ANKRD26: variants seen among roughly 807,000 people sequenced by gnomAD.
ANKRD26 encodes the protein ankyrin repeat domain 26.
Under a neutral mutation model 208.7 loss-of-function variants are expected in ANKRD26, and 141 were observed. That is an observed-to-expected ratio of 0.68 (90% CI 0.59 to 0.78). ANKRD26 has a LOEUF of 0.78. ANKRD26 is among the 30% of genes least tolerant of loss of function. The probability of loss-of-function intolerance (pLI) is 0.00; values close to 1 mark genes in which losing one functional copy is unlikely to be tolerated. For synonymous variants in ANKRD26, 636 were observed against 660.4 expected, an observed-to-expected ratio of 0.96 and a Z score of 0.57; for missense variants, 1,889 against 1,938.7, an observed-to-expected ratio of 0.97 and a Z score of 0.48.
intron 4 of ANKRD26, among the ~76,000 whole-genome samples, chr10:26,997,322 T>C (rs2052614869): frequency 6.6e-6 from 1 of 152,360 alleles, no homozygotes; most frequent in South Asian, 2.1e-4. Flanking sequence ...GTGGGATTTA[T>C]AACAGATATG....
At chr10:27,013,210 A>G (rs542483402) in intron 31 of ANKRD26, 100 bp from the exon 32 acceptor site, 4 of 998,810 alleles carry the variant, frequency 4.0e-6, no homozygotes, top group Non-Finnish European at 6.2e-6. Flanking sequence ...GGAGTAAATG[A>G]AATTTCCCAT....
intron 9 of ANKRD26, among the ~76,000 whole-genome samples, chr10:27,071,839 CTGAG>C (rs1301063470): frequency 2.6e-5 from 4 of 152,176 alleles, no homozygotes; most frequent in Non-Finnish European, 4.4e-5. Flanking sequence ...CTGGAGCTGA[CTGAG>C]TGAGCAGTGG....
rs1412812857 is a variant in ANKRD26, at chr10:27,048,934, A to G, written c.1681T>C (p.Ser561Pro). ...GTAGCACCATCATGTATGTTTGCTGATACTTCCATTTCATTATTTCTGTGT... is the reference window on the plus strand; with the variant it reads ...GTAGCACCATCATGTATGTTTGCTGGTACTTCCATTTCATTATTTCTGTGT... ...KKHRNNEMEVSANIHDGATDD... is the reference protein window; with the variant it reads ...KKHRNNEMEVPANIHDGATDD... Residue 561 changes from serine to proline, a missense_variant, in exon 17 of 34, where the codon TCA becomes CCA. Physicochemically the swap from Ser to Pro is moderately conservative, Grantham distance 74. Around this residue, in one of 3 missense-constraint regions of ANKRD26, gnomAD observed 1,272 missense variants for 1,273.8 expected, o/e 1.00. Transcript: ENST00000376087. 1.2e-6 allele frequency: 2 copies of G among 1,610,620 alleles called. No homozygotes were observed. The highest frequency in any genetic ancestry group is 1.7e-6 in the Non-Finnish European group (2 of 1,178,188).
At chr10:27,042,083 G>A (rs2054259767) in intron 20 of ANKRD26, among the ~76,000 whole-genome samples, 1 of 151,774 alleles carries the variant, frequency 6.6e-6, no homozygotes, top group Admixed American at 6.6e-5. Context: ...CCAAAAACCT[G>A]AGATAAAACT....
intron 16 of ANKRD26, chr10:27,051,231 A>C: frequency 7.8e-7 from 1 of 1,289,814 alleles, no homozygotes; most frequent in Non-Finnish European, 1.0e-6. Context: ...TTCAGGTTCC[A>C]TGCTTTTATA....
At chr10:27,012,631 T>A (rs1432723321) in intron 32 of ANKRD26, among the ~76,000 whole-genome samples, 3 of 151,954 alleles carry the variant, frequency 2.0e-5, no homozygotes, top group Non-Finnish European at 4.4e-5. Flanking sequence ...CCTGGCAATA[T>A]GTGAAACCCA....
At chr10:27,029,475 G>T in intron 25 of ANKRD26, 119 bp from the exon 26 acceptor site, 1 of 924,194 alleles carries the variant, frequency 1.1e-6, no homozygotes, top group Non-Finnish European at 1.7e-6. Flanking sequence ...TATGCATATT[G>T]TTTATGGCTA....
intron 17 of ANKRD26, among the ~76,000 whole-genome samples, chr10:27,048,018 A>C (rs2054517638): frequency 6.6e-6 from 1 of 152,158 alleles, no homozygotes; most frequent in Admixed American, 6.5e-5. Context: ...CTGGGATTAC[A>C]GGCATGAGCC....
chr10:27,099,485 C>A lies in ANKRD26; in HGVS notation c.242+600G>T, dbSNP rs142191364. On this transcript the variant is annotated intron_variant, in intron 1 of 33. Coordinates refer to ENST00000376087, the MANE Select transcript of ANKRD26 (RefSeq NM_014915.3). ...GTCTTGCTCTGTTGTCACTGACATA[C>A]CTCACTGCAGCCTAGAACTCCTGGG... 3.0e-3 allele frequency among the ~76,000 whole-genome samples: 461 copies of A among 151,822 alleles called. 3 individuals carry two copies. Among genetic ancestry groups the A allele is most frequent in the African/African-American group, 0.011 (436 of 41,370 alleles).
At chr10:27,056,459 T>A (rs2054842997) in intron 15 of ANKRD26, among the ~76,000 whole-genome samples, 1 of 151,924 alleles carries the variant, frequency 6.6e-6, no homozygotes, top group South Asian at 2.1e-4. Flanking sequence ...ATTACAGGTG[T>A]GACCCAGCCA....
In ANKRD26 at chr10:27,092,393, C is replaced by T; in HGVS notation, c.638+13G>A. The stretch of plus-strand genomic sequence containing the variant: ...ACAAGTTTAAAAATCCAAAACAAAA[C>T]CAGCTACTGTACCTTTCCAACTTAT... On this transcript the variant is annotated intron_variant, in intron 4 of 33. Coordinates refer to ENST00000376087, the MANE Select transcript of ANKRD26 (RefSeq NM_014915.3). 2 of 1,580,692 alleles carry T rather than the reference C, an allele frequency of 1.3e-6. No individual in the cohort carries two copies. Among genetic ancestry groups the T allele is most frequent in the Non-Finnish European group, 1.7e-6 (2 of 1,152,306 alleles).
At chr10:27,024,009 A>ACACACACACACACACACACAC (rs1554775241) in intron 28 of ANKRD26, among the ~76,000 whole-genome samples, 1 of 45,088 alleles carries the variant, frequency 2.2e-5, no homozygotes, top group Non-Finnish European at 7.1e-5. Context: ...CACACACACA[A>ACACACACACACACACACACAC]AGAGGCAGAA....
intron 5 of ANKRD26, among the ~76,000 whole-genome samples, chr10:27,083,430 A>T (rs182654250): frequency 2.5e-3 from 375 of 152,292 alleles, no homozygotes; most frequent in African/African-American, 8.8e-3. Context: ...AACATTTTAA[A>T]ATAAATAAAC....
At chr10:27,015,232 G>C (rs56366625) in intron 30 of ANKRD26, among the ~76,000 whole-genome samples, 283 of 152,328 alleles carry the variant, frequency 1.9e-3, no homozygotes, top group African/African-American at 6.5e-3. Flanking sequence ...GCAATCATCT[G>C]TATGTAAGAT....
chr10:27,046,315 C>A, intron 18 of ANKRD26, 38 bp downstream of exon 18: 1 of 1,602,380 alleles, frequency 6.2e-7, no homozygotes, highest in Non-Finnish European at 8.5e-7. Context: ...TACTACTAAC[C>A]TTCCTCCATA....
At chr10:26,959,690 G>C in the ANKRD26 span, among the ~76,000 whole-genome samples, 62 of 150,810 alleles carry the variant, frequency 4.1e-4, no homozygotes, top group African/African-American at 1.5e-3. Flanking sequence ...AGGCTGGCCA[G>C]GCTAGTCTCG....
chr10:27,058,166 AC>A (rs1029418387), intron 15 of ANKRD26, among the ~76,000 whole-genome samples: 3 of 152,120 alleles, frequency 2.0e-5, no homozygotes, highest in African/African-American at 7.2e-5. Flanking sequence ...TAGAAGTGAA[AC>A]TTTAAAGGCC....
intron 12 of ANKRD26, among the ~76,000 whole-genome samples, chr10:27,063,200 G>A (rs921589206): frequency 1.3e-5 from 2 of 152,198 alleles, no homozygotes; most frequent in African/African-American, 4.8e-5. Flanking sequence ...TGGATGGGAA[G>A]AGTGGGTAAA....
At chr10:26,951,842 C>G in the ANKRD26 span, among the ~76,000 whole-genome samples, 1 of 152,242 alleles carries the variant, frequency 6.6e-6, no homozygotes, top group Non-Finnish European at 1.5e-5. Flanking sequence ...CCTTGTTGAC[C>G]CTGGAGGGAC....
Sources: gnomAD v4.1 joint callset for allele counts (sites outside exome capture counted in the v4.1 genomes callset) on GRCh38, gnomAD v4.1.1 for gene constraint, gnomAD v4.1.1 regional missense constraint, MANE v1.5 for transcripts, NCBI Gene and HGNC (gene_info 2026-07-23, HGNC 2026-07-21) for gene names.